Variants in PAK5 observed in about 807,000 individuals in gnomAD.
PAK5 encodes the protein serine/threonine-protein kinase PAK 5.
PAK5 carries 16 observed loss-of-function variants against 65.9 expected under a neutral mutation model. The ratio of observed to expected loss-of-function variants is 0.24; its 90% CI spans 0.16 to 0.37. PAK5 has a LOEUF of 0.37. PAK5 is among the 10% of genes least tolerant of loss of function. The pLI, the probability that PAK5 is intolerant of heterozygous loss-of-function variation, is 1.00. For missense variants in PAK5, 785 were observed against 903.9 expected (o/e 0.87, Z 1.69); for synonymous variants, 371 against 354.9 (o/e 1.05, Z -0.51).
At chr20:9,758,540 C>T (rs1347195130) in intron 1 of PAK5, among the ~76,000 whole-genome samples, 2 of 152,168 alleles carry the variant, frequency 1.3e-5, no homozygotes, top group Admixed American at 6.5e-5. Context: ...CTGAAGCCAG[C>T]TCGCATAGAA....
intron 2 of PAK5, among the ~76,000 whole-genome samples, chr20:9,707,720 A>G (rs975035934): frequency 1.6e-4 from 25 of 152,174 alleles, no homozygotes; most frequent in African/African-American, 6.0e-4. Flanking sequence ...CACATGGCTC[A>G]GTTGCCATAA....
At chr20:9,612,659 C>A (rs1172968817) in intron 3 of PAK5, among the ~76,000 whole-genome samples, 1 of 152,108 alleles carries the variant, frequency 6.6e-6, no homozygotes, top group African/African-American at 2.4e-5. Context: ...CACCTCCCAC[C>A]AGGCCCAGGC....
At chr20:9,823,572 G>A (rs557829356) in intron 1 of PAK5, among the ~76,000 whole-genome samples, 85 of 152,256 alleles carry the variant, frequency 5.6e-4, no homozygotes, top group African/African-American at 2.0e-3. Flanking sequence ...CATGTAAGAC[G>A]ATCGTTTGCT....
intron 2 of PAK5, among the ~76,000 whole-genome samples, chr20:9,684,076 T>A (rs543433661): frequency 6.6e-6 from 1 of 152,168 alleles, no homozygotes; most frequent in Non-Finnish European, 1.5e-5. Context: ...ACCAGTCCCA[T>A]TGGACTATGA....
chr20:9,812,501 C>T lies in PAK5; in HGVS notation c.-162+26261G>A, dbSNP rs143499619. On this transcript the variant is annotated intron_variant, in intron 1 of 9. Coordinates refer to ENST00000353224, the MANE Select transcript of PAK5 (RefSeq NM_177990.4). ...CTATAAAGTGTTGGAACAATTGGAA[C>T]TCTCAGACAGAAAACAGGTTGATAG... Among the ~76,000 whole-genome samples, 257 of 152,244 alleles carry T rather than the reference C, an allele frequency of 1.7e-3. 1 individual carries two copies. The Middle Eastern group carries it at 0.017, about 10-fold the overall frequency.
At chr20:9,652,368 G>A (rs2047213339) in intron 2 of PAK5, among the ~76,000 whole-genome samples, 1 of 151,972 alleles carries the variant, frequency 6.6e-6, no homozygotes, top group Non-Finnish European at 1.5e-5. Flanking sequence ...ACATATTTGG[G>A]ATCCATAGGA....
intron 8 of PAK5, among the ~76,000 whole-genome samples, chr20:9,543,025 T>A (rs981413799): frequency 6.6e-6 from 1 of 152,214 alleles, no homozygotes; most frequent in African/African-American, 2.4e-5. Context: ...TCAGGGCAGA[T>A]GAGAAAATCA....
chr20:9,671,376 T>C (rs28868981), intron 2 of PAK5, among the ~76,000 whole-genome samples: 50,254 of 151,836 alleles, frequency 0.33, 9,632 homozygotes, highest in South Asian at 0.61. Flanking sequence ...GTATGGCCAT[T>C]TTCACGATAT....
intron 3 of PAK5, among the ~76,000 whole-genome samples, chr20:9,640,802 G>A (rs529719315): frequency 5.3e-5 from 8 of 151,654 alleles, no homozygotes; most frequent in South Asian, 2.1e-4. Flanking sequence ...GGAGTTGTTC[G>A]TTCCTCCTGG....
Position 9,654,841 on chromosome 20 carries a change from A to G in PAK5, c.-11-10502T>C, listed in dbSNP as rs111778540. On this transcript the variant is annotated intron_variant, in intron 2 of 9. Coordinates refer to ENST00000353224, the MANE Select transcript of PAK5 (RefSeq NM_177990.4). ...CTCCCCTGCCTGTCTCCACCCTCTCATCTTGACCCTCACCCAAAGTCTCTT... is the reference window on the plus strand; with the variant it reads ...CTCCCCTGCCTGTCTCCACCCTCTCGTCTTGACCCTCACCCAAAGTCTCTT... 6.4e-4 allele frequency among the ~76,000 whole-genome samples: 97 copies of G among 152,076 alleles called. 2 individuals are homozygous for G. Among genetic ancestry groups the G allele is most frequent in the Middle Eastern group, 3.4e-3 (1 of 294 alleles).
At chr20:9,702,418 C>T (rs549298002) in intron 2 of PAK5, among the ~76,000 whole-genome samples, 1 of 152,220 alleles carries the variant, frequency 6.6e-6, no homozygotes, top group South Asian at 2.1e-4. Flanking sequence ...CCCAGAGCCC[C>T]AGATGACCAA....
Position 9,644,164 on chromosome 20 carries a change from G to A in PAK5, c.165C>T (p.Asp55=), listed in dbSNP as rs2047103373. Residue 55 remains aspartate (D), a synonymous_variant, in exon 3 of 10, where the codon GAC becomes GAT. Transcript: ENST00000353224. ...DTANRPKPMV[D]PSCITPIQLA... ...GCTGGATGGGTGTGATGCATGAAGG[G>A]TCCACCATAGGCTTTGGCCTGTTGG... 1.9e-6 allele frequency: 3 copies of A among 1,613,148 alleles called. No individual in the cohort carries two copies. Among genetic ancestry groups the A allele is most frequent in the South Asian group, 1.1e-5 (1 of 90,766 alleles).
At chr20:9,611,615 T>A (rs1270919467) in intron 3 of PAK5, among the ~76,000 whole-genome samples, 1 of 152,208 alleles carries the variant, frequency 6.6e-6, no homozygotes, top group Non-Finnish European at 1.5e-5. Context: ...TTCTCCCGTG[T>A]ATATGCAAGC....
At position 9,699,647 on chromosome 20, in the gene PAK5, A is replaced by G. The variant is rs531198116; in HGVS notation, c.-12+11639T>C. Reference sequence around the variant, plus strand: ...CATATACATAAGTAATGCTCCACAAAGAGCCACTCCTTCAAGCTTGGTAGG... The same window carrying G: ...CATATACATAAGTAATGCTCCACAAGGAGCCACTCCTTCAAGCTTGGTAGG... On this transcript the variant is annotated intron_variant, in intron 2 of 9. Transcript: ENST00000353224. Among the ~76,000 whole-genome samples the G allele has an allele frequency of 1.1e-4, 17 of 151,688 alleles. No homozygotes were observed. The East Asian group carries it at 3.3e-3, about 29-fold the overall frequency.
chr20:9,787,240 G>A (rs1323075422), intron 1 of PAK5, among the ~76,000 whole-genome samples: 1 of 152,094 alleles, frequency 6.6e-6, no homozygotes, highest in Non-Finnish European at 1.5e-5. Context: ...TAGTGATCAT[G>A]CCCTACTTGT....
chr20:9,542,761 C>T (rs1232489039), intron 8 of PAK5, 41 bp from the exon 9 acceptor site: 2 of 1,594,738 alleles, frequency 1.3e-6, no homozygotes, highest in Non-Finnish European at 8.6e-7. Context: ...GCAAGGAGAA[C>T]ATTCTGAAAT....
Position 9,745,178 on chromosome 20 carries a change from A to G in PAK5, c.-161-33743T>C, listed in dbSNP as rs575016075. Among the ~76,000 whole-genome samples the G allele has an allele frequency of 3.9e-5, 6 of 152,172 alleles. No homozygotes were observed. In the East Asian group the frequency reaches 7.8e-4, roughly 20 times the overall value. ...CTCATTCATTCTTTTTCTTCTTTCA[A>G]TCTTAGCGATTAATTGAAAGTTGTC... On this transcript the variant is annotated intron_variant, in intron 1 of 9. Transcript: ENST00000353224.
At chr20:9,678,326 G>A (rs1185827120) in intron 2 of PAK5, among the ~76,000 whole-genome samples, 4 of 152,322 alleles carry the variant, frequency 2.6e-5, no homozygotes, top group East Asian at 3.9e-4. Flanking sequence ...CCAGCACTTC[G>A]GGAGGCCGAG....
intron 1 of PAK5, among the ~76,000 whole-genome samples, chr20:9,792,237 AG>A (rs2049057439): frequency 6.6e-6 from 1 of 152,170 alleles, no homozygotes; most frequent in Non-Finnish European, 1.5e-5. Flanking sequence ...GAATATTTAA[AG>A]GATCATTCCA....
Sources: allele counts gnomAD v4.1 joint callset (sites outside exome capture counted in the v4.1 genomes callset), GRCh38; gene constraint gnomAD v4.1.1; transcripts MANE v1.5; gene names NCBI Gene and HGNC (gene_info 2026-07-23, HGNC 2026-07-21).